NEXMIF: variants seen among roughly 807,000 people sequenced by gnomAD.
The protein encoded by NEXMIF is XLMR protein related to neurite extension.
Under a neutral mutation model 62.1 loss-of-function variants are expected in NEXMIF, and 8 were observed. The observed-to-expected ratio is 0.13, with a 90% confidence interval of 0.08 to 0.23. The LOEUF is 0.23. Ranked by LOEUF, NEXMIF falls within the 10% of genes least tolerant of loss-of-function variation. The pLI, the probability that NEXMIF is intolerant of heterozygous loss-of-function variation, is 1.00. For synonymous variants in NEXMIF, 404 were observed against 416.6 expected (o/e 0.97, Z 0.37); for missense variants, 976 against 1,113.3 (o/e 0.88, Z 1.75).
rs757030222 is a variant in NEXMIF at position 74,834,143 on chromosome X, A to C, written c.-47-88446T>G. The stretch of plus-strand genomic sequence containing the variant: ...GAGCGAAACTCCATCTCAAAAAAAA[A>C]AAAAAAAAGAAAGAAAAGAAAAGAA... On this transcript the variant is annotated intron_variant, in intron 1 of 3. Coordinates refer to ENST00000055682, the MANE Select transcript of NEXMIF (RefSeq NM_001008537.3). Among the ~76,000 whole-genome samples the C allele has an allele frequency of 5.7e-4, 62 of 108,992 alleles. 1 individual carries two copies. The highest frequency in any genetic ancestry group is 1.7e-3 in the African/African-American group (50 of 30,112). 94.6% of individuals were successfully genotyped at this position (108,992 alleles called of 115,157 possible). A position where few individuals can be genotyped will look rare whatever the true frequency, so the allele number is the denominator to read the frequency against.
rs113863721 is a variant in NEXMIF, at chrX:74,859,261, C to A, written c.-48+65622G>T. On this transcript the variant is annotated intron_variant, in intron 1 of 3. Transcript: ENST00000055682. ...GGATAAAGAAGGATCCGAAAAGCAGCAAGAGAAAAGAAACAACACACAATA... is the reference window on the plus strand; with the variant it reads ...GGATAAAGAAGGATCCGAAAAGCAGAAAGAGAAAAGAAACAACACACAATA... 5.3e-3 allele frequency among the ~76,000 whole-genome samples: 597 copies of A among 111,774 alleles called. 2 individuals carry two copies. The highest frequency in any genetic ancestry group is 0.019 in the African/African-American group (574 of 30,790).
At chrX:74,877,485 C>A (rs748603342) in intron 1 of NEXMIF, among the ~76,000 whole-genome samples, 1 of 110,768 alleles carries the variant, frequency 9.0e-6, no homozygotes, top group African/African-American at 3.3e-5. Context: ...TTGCTCTTCT[C>A]GAGGAGTATC....
At chrX:74,861,503 T>C (rs1192894967) in intron 1 of NEXMIF, among the ~76,000 whole-genome samples, 1 of 111,113 alleles carries the variant, frequency 9.0e-6, no homozygotes, top group Non-Finnish European at 1.9e-5. Context: ...AGAAACCCAA[T>C]AAGATACTCC....
chrX:74,826,654 G>A (rs1057503278), intron 1 of NEXMIF, among the ~76,000 whole-genome samples: 5 of 110,306 alleles, frequency 4.5e-5, no homozygotes, highest in African/African-American at 1.6e-4. Flanking sequence ...TTTGTTGTCT[G>A]CACTTTTGGG....
At chrX:74,886,608 C>A (rs1482427717) in intron 1 of NEXMIF, among the ~76,000 whole-genome samples, 1 of 110,811 alleles carries the variant, frequency 9.0e-6, no homozygotes, top group African/African-American at 3.3e-5. Flanking sequence ...TGAAGGACCT[C>A]TTCAAGGAGA....
At chrX:74,814,190 T>C (rs184244961) in intron 1 of NEXMIF, among the ~76,000 whole-genome samples, 8 of 111,610 alleles carry the variant, frequency 7.2e-5, no homozygotes, top group Non-Finnish European at 1.5e-4. Context: ...ATTTTGCAGG[T>C]AGAAAAACTC....
At chrX:74,882,571 A>C (rs1453966941) in intron 1 of NEXMIF, among the ~76,000 whole-genome samples, 1 of 111,631 alleles carries the variant, frequency 9.0e-6, no homozygotes, top group African/African-American at 3.3e-5. Context: ...TCTGAGATCA[A>C]ACTGCAAGGT....
intron 1 of NEXMIF, among the ~76,000 whole-genome samples, chrX:74,877,179 C>G (rs1291025594): frequency 1.8e-5 from 2 of 111,212 alleles, no homozygotes; most frequent in Admixed American, 1.9e-4. Context: ...TCTTTTAGGG[C>G]AGGCCTGGTG....
At chrX:74,758,480 T>C (rs1214947429) in intron 1 of NEXMIF, among the ~76,000 whole-genome samples, 1 of 110,969 alleles carries the variant, frequency 9.0e-6, no homozygotes, top group Non-Finnish European at 1.9e-5. Context: ...AACATGGGGG[T>C]TTGTTGTACA....
intron 1 of NEXMIF, among the ~76,000 whole-genome samples, chrX:74,921,417 C>T (rs751968713): frequency 8.9e-5 from 10 of 112,066 alleles, no homozygotes; most frequent in South Asian, 3.7e-4. Context: ...TGAGAAGACA[C>T]GAATGTTCAC....
intron 1 of NEXMIF, among the ~76,000 whole-genome samples, chrX:74,923,833 G>C (rs1165284214): frequency 2.7e-5 from 3 of 112,258 alleles, no homozygotes; most frequent in African/African-American, 9.7e-5. Flanking sequence ...TTAGAAAAAG[G>C]CCACATATCT....
chrX:74,758,189 T>C lies in NEXMIF; in HGVS notation c.-47-12492A>G, dbSNP rs1300886552. Among the ~76,000 whole-genome samples, 3 of 109,851 alleles carry C rather than the reference T, an allele frequency of 2.7e-5. No individual in the cohort carries two copies. In the Admixed American group the frequency reaches 3.0e-4, roughly 11 times the overall value. ...GAGGAGAGTGGGTGGGAAGAAGGGG[T>C]TGTAGGTATTATTTTAATTAAAATC... On this transcript the variant is annotated intron_variant, in intron 1 of 3. Transcript: ENST00000055682.
chrX:74,743,360 A>G lies in NEXMIF; in HGVS notation c.1197T>C (p.Asp399=), dbSNP rs770485188. 15 of 1,210,833 alleles carry G rather than the reference A, an allele frequency of 1.2e-5. No homozygotes were observed. In the South Asian group the frequency reaches 2.6e-4, roughly 21 times the overall value. The change falls in exon 3 of 4, where the codon GAT becomes GAC. Residue 399 remains aspartate (D), a synonymous_variant. Coordinates refer to ENST00000055682, the MANE Select transcript of NEXMIF (RefSeq NM_001008537.3). ...GQEDKGVEKK[D]GKDNGEKPAL... ...CAGGCTTTTCTCCATTATCCTTTCC[A>G]TCTTTCTTCTCTACACCTTTGTCTT...
intron 1 of NEXMIF, among the ~76,000 whole-genome samples, chrX:74,919,927 C>T (rs1346152567): frequency 1.8e-5 from 2 of 110,670 alleles, no homozygotes; most frequent in Admixed American, 1.9e-4. Flanking sequence ...TTTCCAATTT[C>T]ATCCATGTCC....
intron 1 of NEXMIF, among the ~76,000 whole-genome samples, chrX:74,837,045 A>T (rs886467926): frequency 9.0e-6 from 1 of 111,271 alleles, no homozygotes; most frequent in Non-Finnish European, 1.9e-5. Flanking sequence ...GTGCTGACTG[A>T]GCCCAGCATG....
chrX:74,884,495 C>A (rs2080681889), intron 1 of NEXMIF, among the ~76,000 whole-genome samples: 1 of 111,369 alleles, frequency 9.0e-6, no homozygotes, highest in Non-Finnish European at 1.9e-5. Context: ...GGGTTGCAAT[C>A]CTAGTCTCTG....
chrX:74,838,508 A>T (rs2147488073), intron 1 of NEXMIF, among the ~76,000 whole-genome samples: 1 of 112,506 alleles, frequency 8.9e-6, no homozygotes, highest in Non-Finnish European at 1.9e-5. Flanking sequence ...CTCCCTGTGA[A>T]GTTTCCTCTA....
At chrX:74,795,280 C>T (rs1386918487) in intron 1 of NEXMIF, among the ~76,000 whole-genome samples, 1 of 112,167 alleles carries the variant, frequency 8.9e-6, no homozygotes, top group Non-Finnish European at 1.9e-5. Context: ...TAAAAACAAT[C>T]AAGATGTCTT....
Position 74,744,230 on chromosome X carries a change from C to T in NEXMIF, c.327G>A (p.Leu109=), listed in dbSNP as rs201978990. 16 of 1,211,515 alleles carry T rather than the reference C, an allele frequency of 1.3e-5. No individual in the cohort carries two copies. The highest frequency in any genetic ancestry group is 1.7e-5 in the Non-Finnish European group (15 of 895,475). The change falls in exon 3 of 4, where the codon CTG becomes CTA. Residue 109 remains leucine (L), a synonymous_variant. Transcript: ENST00000055682. ...ISLTSGIAKG[L]NTWSLPNECE... is the part of the protein sequence containing the mutation. Reference sequence around the variant, plus strand: ...ATTCATTGGGAAGTGACCATGTGTTCAGGCCTTTTGCAATGCCAGATGTGA... The same window carrying T: ...ATTCATTGGGAAGTGACCATGTGTTTAGGCCTTTTGCAATGCCAGATGTGA...
Sources: allele counts gnomAD v4.1 joint callset (sites outside exome capture counted in the v4.1 genomes callset), GRCh38; gene constraint gnomAD v4.1.1; transcripts MANE v1.5; gene names NCBI Gene and HGNC (gene_info 2026-07-23, HGNC 2026-07-21).